Variants in SSR2 observed in about 807,000 individuals in gnomAD.
SSR2 encodes the protein translocon-associated protein subunit beta.
A neutral mutation model predicts 22.6 loss-of-function variants in SSR2; 16 were observed. The ratio of observed to expected loss-of-function variants is 0.71; its 90% CI spans 0.48 to 1.08. The LOEUF is 1.08. SSR2 is among the 50% of genes least tolerant of loss of function. The pLI, the probability that SSR2 is intolerant of heterozygous loss-of-function variation, is 0.00. For missense variants in SSR2, 171 were observed against 221.6 expected, an observed-to-expected ratio of 0.77 and a Z score of 1.45; for synonymous variants, 83 against 91.2, an observed-to-expected ratio of 0.91 and a Z score of 0.51.
chr1:156,011,771 T>C (rs1682981345), intron 5 of SSR2, 39 bp downstream of exon 5: 1 of 1,563,220 alleles, frequency 6.4e-7, no homozygotes, highest in African/African-American at 1.4e-5. Context: ...GGCATTCTCA[T>C]ACCAAGGAAC....
intron 3 of SSR2, among the ~76,000 whole-genome samples, chr1:156,015,518 A>AT (rs1197961288): frequency 8.7e-6 from 1 of 114,556 alleles, no homozygotes; most frequent in African/African-American, 3.4e-5. Flanking sequence ...AAAAAAAAAA[A>AT]AAAAAAAAAA....
chr1:156,019,369 T>C (rs1158966094), intron 2 of SSR2: 2 of 261,452 alleles, frequency 7.6e-6, no homozygotes, highest in Non-Finnish European at 1.6e-5. Flanking sequence ...TCTAGGCTAA[T>C]GAAAGAAGGA....
At chr1:156,019,445 G>A (rs534941429) in intron 2 of SSR2, among the ~76,000 whole-genome samples, 1 of 152,108 alleles carries the variant, frequency 6.6e-6, no homozygotes, top group South Asian at 2.1e-4. Flanking sequence ...GTGCAGTGGC[G>A]CAATCTCCGG....
At chr1:156,019,665 G>A (rs1308513159) in intron 2 of SSR2, among the ~76,000 whole-genome samples, 2 of 152,166 alleles carry the variant, frequency 1.3e-5, no homozygotes, top group African/African-American at 4.8e-5. Context: ...GATTACAGGC[G>A]TGAGCTACCA....
intron 2 of SSR2, 97 bp downstream of exon 2, chr1:156,019,916 A>G (rs1294643081): frequency 3.6e-6 from 5 of 1,400,776 alleles, no homozygotes; most frequent in African/African-American, 2.9e-5. Context: ...AAGTGTCCCA[A>G]AGAGAAACCA....
intron 3 of SSR2, among the ~76,000 whole-genome samples, chr1:156,016,654 C>T (rs776118177): frequency 1.3e-5 from 2 of 151,996 alleles, no homozygotes; most frequent in Non-Finnish European, 2.9e-5. Context: ...TAAACCTAAA[C>T]GTATACATAA....
chr1:156,011,861 C>A lies in SSR2; in HGVS notation c.390G>T (p.Gln130His), dbSNP rs1393710963. ...ACTCCCGCTGAGCCAGGATTCCTCCCTGTCCAGGTGCACTGGTAGAGCCAA... is the reference window on the plus strand; with the variant it reads ...ACTCCCGCTGAGCCAGGATTCCTCCATGTCCAGGTGCACTGGTAGAGCCAA... ...VVIGSTSAPGQGGILAQREFD... is the reference protein window; with the variant it reads ...VVIGSTSAPGHGGILAQREFD... Residue 130 changes from glutamine (Q) to histidine (H), a missense_variant, in exon 5 of 6, where the codon CAG (glutamine) becomes CAT (histidine). Gln to His is a conservative substitution (Grantham distance 24). Coordinates refer to ENST00000295702, the MANE Select transcript of SSR2 (RefSeq NM_003145.4). The A allele has an allele frequency of 6.2e-7, 1 of 1,614,004 alleles. No homozygotes were observed. Among genetic ancestry groups the A allele is most frequent in the Admixed American group, 1.7e-5 (1 of 60,006 alleles).
chr1:156,016,118 T>C (rs1252709488), intron 3 of SSR2, among the ~76,000 whole-genome samples: 2 of 151,776 alleles, frequency 1.3e-5, no homozygotes, highest in Non-Finnish European at 2.9e-5. Context: ...ACCATTGCAC[T>C]CAAGACAAGA....
At chr1:156,013,358 G>A (rs1292022946) in intron 4 of SSR2, 1 of 153,022 alleles carries the variant, frequency 6.5e-6, no homozygotes, top group African/African-American at 2.4e-5. Context: ...CCCGGGAAGT[G>A]GAGGTTGCAG....
intron 3 of SSR2, among the ~76,000 whole-genome samples, chr1:156,016,555 T>C (rs1166226920): frequency 6.6e-6 from 1 of 151,472 alleles, no homozygotes. Context: ...GAAAATCTTT[T>C]GTTAACTATA....
intron 3 of SSR2, among the ~76,000 whole-genome samples, chr1:156,015,505 C>CAAAAAAAAA (rs1169214264): frequency 9.7e-5 from 4 of 41,032 alleles, no homozygotes; most frequent in Admixed American, 5.0e-4. Context: ...GACTCCGCCT[C>CAAAAAAAAA]AAAAAAAAAA....
rs1030781409 is a variant in SSR2, at chr1:156,009,244, T to C, written c.*296A>G. 4 of 308,408 alleles carry C rather than the reference T, an allele frequency of 1.3e-5. No homozygotes were observed. Among genetic ancestry groups the C allele is most frequent in the African/African-American group, 2.3e-5 (1 of 44,360 alleles). 19.1% of individuals were successfully genotyped at this position (308,408 alleles called of 1,614,324 possible). On this transcript the variant is annotated 3_prime_UTR_variant, in exon 6 of 6. Transcript: ENST00000295702. ...TCCTAGACCCCTGAGAGAATTCACG[T>C]TGCCAGCAATAAACCAACAGCACCT...
At chr1:156,011,963 A>G in intron 4 of SSR2, 76 bp from the exon 5 acceptor site, 1 of 1,137,938 alleles carries the variant, frequency 8.8e-7, no homozygotes, top group Non-Finnish European at 1.3e-6. Context: ...GAGAAAGGGC[A>G]GTCCCAACCA....
rs540423482 is a variant in SSR2 at position 156,020,542 on chromosome 1, C to T, written c.-1+346G>A. 2.9e-4 allele frequency: 90 copies of T among 308,074 alleles called. 1 individual carries two copies. The highest frequency in any genetic ancestry group is 2.5e-3 in the South Asian group (88 of 35,714). The allele number at this position is 308,074 out of a possible 1,614,324, so 19.1% of individuals were successfully genotyped here. On this transcript the variant is annotated intron_variant, in intron 1 of 5. Transcript: ENST00000295702. ...TGTAGCTTTCCCTCACACAGGAGTG[C>T]CCACAGCCTTCCCGCTGCTCCCCTC...
rs1341456898 is a variant in SSR2 at position 156,020,871 on chromosome 1, T to C, written c.-1+17A>G. 1 of 470,560 alleles carries C rather than the reference T, an allele frequency of 2.1e-6. No individual in the cohort carries two copies. The highest frequency in any genetic ancestry group is 4.4e-6 in the Non-Finnish European group (1 of 226,744). The allele number at this position is 470,560 out of a possible 1,614,324, so 29.1% of individuals were successfully genotyped here. A position where few individuals can be genotyped will look rare whatever the true frequency, so the allele number is the denominator to read the frequency against. ...TCTCGCCTCTCCCGTTCGGACGCCC[T>C]AAGCCTCCGGACTTACCGTTGGCAT... On this transcript the variant is annotated intron_variant, in intron 1 of 5. Transcript: ENST00000295702.
intron 4 of SSR2, chr1:156,014,482 T>C (rs1214077589): frequency 6.6e-6 from 1 of 152,634 alleles, no homozygotes; most frequent in Non-Finnish European, 1.5e-5. Flanking sequence ...ATACATTAGA[T>C]TACTGTTAAC....
At chr1:156,020,189 G>T in intron 1 of SSR2, 22 bp from the exon 2 acceptor site, 1 of 1,612,468 alleles carries the variant, frequency 6.2e-7, no homozygotes, top group South Asian at 1.1e-5. Context: ...AAAGCAAAGT[G>T]AGTTATCAAA....
intron 5 of SSR2, chr1:156,010,353 A>T (rs887806328): frequency 2.0e-5 from 3 of 152,044 alleles, no homozygotes; most frequent in Non-Finnish European, 2.9e-5. Flanking sequence ...CACAACACCC[A>T]GCCTAAATTT....
intron 5 of SSR2, chr1:156,010,277 C>T (rs1682961944): frequency 1.3e-5 from 2 of 152,120 alleles, no homozygotes; most frequent in East Asian, 1.9e-4. Flanking sequence ...AGCCGGTCTC[C>T]AATTCCTGGG....
Sources: gnomAD v4.1 joint callset for allele counts (sites outside exome capture counted in the v4.1 genomes callset) on GRCh38, gnomAD v4.1.1 for gene constraint, MANE v1.5 for transcripts, NCBI Gene and HGNC (gene_info 2026-07-23, HGNC 2026-07-21) for gene names.